Variants in AMY2B observed in about 807,000 individuals in gnomAD.
AMY2B encodes the protein alpha-amylase 2B.
In AMY2B, 63 loss-of-function variants were observed where a neutral mutation model predicts 59.3. The observed-to-expected ratio is 1.06, with a 90% CI of 0.87 to 1.31. The LOEUF is 1.31. Among genes scored for constraint, AMY2B ranks in the 50% most tolerant of loss-of-function variants. The pLI, the probability that AMY2B is intolerant of heterozygous loss-of-function variation, is 0.00. For missense variants in AMY2B, 635 were observed against 626.7 expected (o/e 1.01, Z -0.14); for synonymous variants, 180 against 198.1 (o/e 0.91, Z 0.77).
intron 1 of AMY2B, among the ~76,000 whole-genome samples, chr1:103,561,046 G>A (rs953929983): frequency 2.0e-5 from 3 of 150,572 alleles, no homozygotes; most frequent in African/African-American, 7.4e-5. Flanking sequence ...TAGGGTACGC[G>A]TGTGTGATAA....
At chr1:103,577,445 T>G (rs1557772058) in intron 7 of AMY2B, 45 bp from the exon 8 acceptor site, 1 of 1,611,574 alleles carries the variant, frequency 6.2e-7, no homozygotes, top group South Asian at 1.1e-5. Flanking sequence ...AAGGAAGAGG[T>G]AAATATATGT....
chr1:103,560,601 C>T (rs747450305), intron 1 of AMY2B, among the ~76,000 whole-genome samples: 1 of 152,154 alleles, frequency 6.6e-6, no homozygotes. Flanking sequence ...TATACCCATG[C>T]ATATTCTCAC....
chr1:103,560,980 AT>A (rs1651713771), intron 1 of AMY2B, among the ~76,000 whole-genome samples: 2 of 152,128 alleles, frequency 1.3e-5, no homozygotes, highest in South Asian at 4.1e-4. Flanking sequence ...CCATTATTTA[AT>A]TTTTTAGTGT....
Position 103,557,143 on chromosome 1 carries a change from C to T in AMY2B, c.-207+2034C>T, listed in dbSNP as rs534955103. On this transcript the variant is annotated intron_variant, in intron 1 of 11. Transcript: ENST00000361355. ...AGCTAATAGGAAATCTTAAAGCGTG[C>T]GCGCGCGCACACACACACACACACA... Among the ~76,000 whole-genome samples, 152 of 149,988 alleles carry T rather than the reference C, an allele frequency of 1.0e-3. 1 individual carries two copies. Among genetic ancestry groups the T allele is most frequent in the Middle Eastern group, 3.2e-3 (1 of 314 alleles).
At chr1:103,571,426 A>G, upstream of AMY2B, 1 of 1,371,812 alleles carries the variant, frequency 7.3e-7, no homozygotes, top group Non-Finnish European at 9.9e-7. Context: ...GATGATTTCC[A>G]TGAGAGACTT....
At chr1:103,578,220 C>T (rs77808139) in intron 9 of AMY2B, among the ~76,000 whole-genome samples, 3,345 of 152,170 alleles carry the variant, frequency 0.022, 129 homozygotes, top group African/African-American at 0.076. Context: ...TGGAAAAATG[C>T]TGCCTGAGTA....
intron 1 of AMY2B, among the ~76,000 whole-genome samples, chr1:103,557,003 A>G (rs1651573369): frequency 6.6e-6 from 1 of 152,050 alleles, no homozygotes; most frequent in Non-Finnish European, 1.5e-5. Flanking sequence ...GACACCTAAG[A>G]GATACAACTG....
Position 103,575,596 on chromosome 1 carries a change from G to T in AMY2B, c.1101+56G>T. The T allele has an allele frequency of 1.9e-6, 3 of 1,601,828 alleles. No individual in the cohort carries two copies. The South Asian group carries it at 3.4e-5, about 18-fold the overall frequency. On this transcript the variant is annotated intron_variant, in intron 7 of 9. Transcript: ENST00000684275. ...TTCTCAAGAAACAGAAGGCAATCTT[G>T]TTCTAACTTAATATGACAACTATTA... is the stretch of plus-strand genomic sequence containing the variant.
At chr1:103,571,837 A>C (rs1652144418) in intron 1 of AMY2B, 67 bp downstream of exon 1, 2 of 1,611,686 alleles carry the variant, frequency 1.2e-6, no homozygotes, top group Middle Eastern at 4.5e-4. Context: ...TTCTGATCTT[A>C]TCCGTGAAGC....
chr1:103,571,796 G>A (rs780483954), intron 1 of AMY2B, 26 bp downstream of exon 1: 25 of 1,611,804 alleles, frequency 1.6e-5, no homozygotes, highest in Non-Finnish European at 1.9e-5. Flanking sequence ...AGTATCAATT[G>A]CAGAATTCAC....
intron 1 of AMY2B, among the ~76,000 whole-genome samples, chr1:103,560,382 C>A (rs1408143042): frequency 1.3e-5 from 2 of 152,134 alleles, no homozygotes; most frequent in Non-Finnish European, 2.9e-5. Flanking sequence ...TTGTCCAATA[C>A]TAATAAAGCC....
At chr1:103,557,347 A>T (rs557808171) in intron 1 of AMY2B, among the ~76,000 whole-genome samples, 6 of 152,126 alleles carry the variant, frequency 3.9e-5, no homozygotes, top group Non-Finnish European at 8.8e-5. Context: ...TTAAAAGGTT[A>T]TCAATTAGAA....
Position 103,579,330 on chromosome 1 carries a change from C to T in AMY2B, c.1366C>T (p.Gln456Ter). ...TTACAGGACATTTTCTTTAACTTTG[C>T]AAACTGGTCTTCCTGCTGGCACATA... ...NDDWTFSLTL[Q>*]TGLPAGTYCD... Residue 456 changes from glutamine (Q) to a stop codon, truncating the protein, a stop_gained, in exon 10 of 10, where the codon CAA becomes TAA. Coordinates refer to ENST00000684275, the MANE Select transcript of AMY2B (RefSeq NM_001387437.1). LOFTEE classifies it high-confidence loss of function. The T allele has an allele frequency of 6.2e-7, 1 of 1,611,630 alleles. No individual in the cohort carries two copies. Among genetic ancestry groups the T allele is most frequent in the Non-Finnish European group, 8.5e-7 (1 of 1,179,668 alleles).
chr1:103,562,914 CTAA>C (rs1267605622), intron 1 of AMY2B, among the ~76,000 whole-genome samples: 1 of 151,792 alleles, frequency 6.6e-6, no homozygotes, highest in Non-Finnish European at 1.5e-5. Flanking sequence ...AGGCTTTGAG[CTAA>C]ATGATTAAAT....
At chr1:103,573,968 A>G in intron 4 of AMY2B, 30 bp downstream of exon 4, 1 of 1,613,582 alleles carries the variant, frequency 6.2e-7, no homozygotes, top group Non-Finnish European at 8.5e-7. Flanking sequence ...CATATAAAAT[A>G]TCATCTTATT....
chr1:103,564,007 G>C (rs936198036), intron 1 of AMY2B, among the ~76,000 whole-genome samples: 2 of 152,090 alleles, frequency 1.3e-5, no homozygotes, highest in African/African-American at 2.4e-5. Context: ...AGTGTTAGTA[G>C]AGCGAAGGCG....
chr1:103,562,542 C>T (rs1433130020), intron 1 of AMY2B, among the ~76,000 whole-genome samples: 3 of 152,026 alleles, frequency 2.0e-5, no homozygotes, highest in Admixed American at 1.3e-4. Flanking sequence ...AAACAACTAA[C>T]TTGATCAAGT....
upstream of AMY2B, among the ~76,000 whole-genome samples, chr1:103,567,472 A>G (rs1185446349): frequency 6.6e-6 from 1 of 152,050 alleles, no homozygotes; most frequent in Non-Finnish European, 1.5e-5. Flanking sequence ...AAATACCTAT[A>G]TCTTTAATAT....
At position 103,573,935 on chromosome 1, in the gene AMY2B, G is replaced by A. The variant is rs750554300; in HGVS notation, c.741G>A (p.Gln247=). ...CAGGAAGTAAACCTTTCATTTACCA[G>A]GAGGTACATCAATACATATATGCAT... ...FPAGSKPFIY[Q]EVIDLGGEPI... The change falls in exon 4 of 10, where the codon CAG becomes CAA. Residue 247 remains glutamine (Q), a synonymous_variant. Transcript: ENST00000684275. 1 of 1,613,690 alleles carries A rather than the reference G, an allele frequency of 6.2e-7. No homozygotes were observed. The highest frequency in any genetic ancestry group is 1.1e-5 in the South Asian group (1 of 91,074).
Sources: allele counts gnomAD v4.1 joint callset (sites outside exome capture counted in the v4.1 genomes callset), GRCh38; gene constraint gnomAD v4.1.1; transcripts MANE v1.5; gene names NCBI Gene and HGNC (gene_info 2026-07-23, HGNC 2026-07-21).